PWWP2A: variants seen among roughly 807,000 people sequenced by gnomAD.
The protein encoded by PWWP2A is PWWP domain containing 2A.
PWWP2A carries 18 observed loss-of-function variants against 48.5 expected under a neutral mutation model. The ratio of observed to expected loss-of-function variants is 0.37; its 90% CI spans 0.26 to 0.55. PWWP2A has a LOEUF of 0.55. PWWP2A is among the 20% of genes least tolerant of loss of function. The pLI is 0.81. For missense variants in PWWP2A, 867 were observed against 976.4 expected, an observed-to-expected ratio of 0.89 and a Z score of 1.49; for synonymous variants, 396 against 387.7, an observed-to-expected ratio of 1.02 and a Z score of -0.25.
chr5:160,047,693 C>T, the PWWP2A span, among the ~76,000 whole-genome samples: 1 of 152,114 alleles, frequency 6.6e-6, no homozygotes, highest in South Asian at 2.1e-4. Context: ...CTCCATGGCC[C>T]TACATTTCAG....
At chr5:160,105,612 A>G (rs1312205205) in intron 1 of PWWP2A, 2 of 834,144 alleles carry the variant, frequency 2.4e-6, no homozygotes, top group Non-Finnish European at 2.9e-6. Flanking sequence ...GAAGGGGACT[A>G]TAGGGACAAA....
intron 2 of PWWP2A, among the ~76,000 whole-genome samples, chr5:160,085,751 C>T (rs148080359): frequency 0.014 from 2,073 of 151,572 alleles, 42 homozygotes; most frequent in African/African-American, 0.046. Context: ...ATGATCCGCC[C>T]GCCTTGGCCT....
In PWWP2A at chr5:160,093,233, G is replaced by A. The variant is rs1268543221; in HGVS notation, c.1417C>T (p.Arg473Trp). The A allele has an allele frequency of 9.3e-6, 15 of 1,613,870 alleles. No individual in the cohort carries two copies. The highest frequency in any genetic ancestry group is 2.2e-5 in the East Asian group (1 of 44,900). Residue 473 changes from arginine to tryptophan, a missense_variant, in exon 2 of 2, where the codon CGG becomes TGG. Arg to Trp is a moderately radical substitution (Grantham distance 101). Coordinates refer to ENST00000307063, the MANE Select transcript of PWWP2A (RefSeq NM_001130864.2). This position sits in a 1 kb window ranked among gnomAD's most constrained non-coding sequence, Gnocchi z 5.8. ...QNPSSGSLPP[R>W]VRLKPQRYRN... The stretch of plus-strand genomic sequence containing the variant: ...TACCTCTGTGGTTTTAAACGAACCC[G>A]GGGTGGAAGGGAACCTGAGCTAGGA...
chr5:160,063,359 G>A (rs956986376), intron 5 of PWWP2A, among the ~76,000 whole-genome samples: 1 of 152,120 alleles, frequency 6.6e-6, no homozygotes, highest in African/African-American at 2.4e-5. Flanking sequence ...GTGACAACAG[G>A]TGTGTGCCAC....
the PWWP2A span, among the ~76,000 whole-genome samples, chr5:160,049,238 C>G: frequency 6.6e-6 from 1 of 152,118 alleles, no homozygotes. Context: ...TTGGAACACA[C>G]CTATCCTTTT....
chr5:160,069,320 G>A (rs1753688746), intron 2 of PWWP2A, among the ~76,000 whole-genome samples: 1 of 151,920 alleles, frequency 6.6e-6, no homozygotes, highest in Non-Finnish European at 1.5e-5. Flanking sequence ...ATTTTTCACA[G>A]TCCAAAGAAT....
the PWWP2A span, among the ~76,000 whole-genome samples, chr5:160,046,895 C>A: frequency 1.3e-5 from 2 of 151,972 alleles, no homozygotes; most frequent in South Asian, 4.2e-4. Flanking sequence ...GCCTGTAATC[C>A]CAGCTACTCA....
At position 160,093,776 on chromosome 5, in the gene PWWP2A, G is replaced by A. The variant is rs1755328927; in HGVS notation, c.874C>T (p.Arg292Trp). The change falls in exon 2 of 2, where the codon CGG becomes TGG. Residue 292 changes from arginine (R) to tryptophan (W), a missense_variant. Coordinates refer to ENST00000307063, the MANE Select transcript of PWWP2A (RefSeq NM_001130864.2). This position sits in a 1 kb window ranked among gnomAD's most constrained non-coding sequence, Gnocchi z 5.8. ...TTTCGTTTGGGTCGCTTAATTTTCC[G>A]AGGAGGTGGCTGAGGTATTGATTGG... The part of the protein sequence containing the change: ...YNQSIPQPPP[R>W]KIKRPKRKMY... The A allele has an allele frequency of 4.3e-6, 7 of 1,613,874 alleles. No homozygotes were observed. Among genetic ancestry groups the A allele is most frequent in the African/African-American group, 1.3e-5 (1 of 74,922 alleles).
At chr5:160,118,678 C>T in intron 1 of PWWP2A, 127 bp downstream of exon 1, 1 of 970,062 alleles carries the variant, frequency 1.0e-6, no homozygotes, top group Non-Finnish European at 1.4e-6. Flanking sequence ...CGCCACGCGC[C>T]GCGCAGGACC....
At chr5:160,109,803 AT>A (rs1561698789) in intron 1 of PWWP2A, among the ~76,000 whole-genome samples, 4 of 128,880 alleles carry the variant, frequency 3.1e-5, no homozygotes, top group African/African-American at 8.7e-5. Flanking sequence ...ATATATATAT[AT>A]ATATAAAATA....
the PWWP2A span, chr5:160,049,453 T>C: frequency 3.6e-5 from 50 of 1,406,122 alleles, no homozygotes; most frequent in East Asian, 1.5e-4. Flanking sequence ...GAATCTGATA[T>C]AGCCAAAGAT....
chr5:160,093,170 G>A lies in PWWP2A; in HGVS notation c.1480C>T (p.Leu494Phe), dbSNP rs1183701744. 6 of 1,613,824 alleles carry A rather than the reference G, an allele frequency of 3.7e-6. No individual in the cohort carries two copies. Among genetic ancestry groups the A allele is most frequent in the Non-Finnish European group, 4.2e-6 (5 of 1,179,878 alleles). Residue 494 changes from leucine to phenylalanine, a missense_variant, in exon 2 of 2, where the codon CTT becomes TTT. Transcript: ENST00000307063. The surrounding 1 kb of genome is among the most constrained non-coding windows in gnomAD (Gnocchi z 5.8). The part of the protein sequence containing the change: ...EENDSSLKTG[L>F]EKMRSGKMAP... Reference sequence around the variant, plus strand: ...ATCTTGCCACTCCGCATTTTCTCAAGTCCTGTCTTCAGAGAAGAGTCATTT... The same window carrying A: ...ATCTTGCCACTCCGCATTTTCTCAAATCCTGTCTTCAGAGAAGAGTCATTT...
chr5:160,112,710 T>C (rs563324471), intron 1 of PWWP2A, among the ~76,000 whole-genome samples: 2 of 151,790 alleles, frequency 1.3e-5, no homozygotes, highest in Non-Finnish European at 2.9e-5. Context: ...TCATTTTACA[T>C]ATAAACTGAG....
At chr5:160,080,779 G>GA in intron 2 of PWWP2A, 2 of 1,511,454 alleles carry the variant, frequency 1.3e-6, no homozygotes, top group South Asian at 1.3e-5. Context: ...ACCTATGGTA[G>GA]AAAAAACCAA....
At position 160,078,139 on chromosome 5, in the gene PWWP2A, T is replaced by C. The variant is rs780540094; in HGVS notation, c.*16A>G. ...TCTGTGTCATTGTGGTACAGGTCCA[T>C]GAAACCAGCAGCCTGCTAATGTCTT... On this transcript the variant is annotated 3_prime_UTR_variant, in exon 4 of 4. Coordinates refer to the PWWP2A transcript ENST00000456329. This position sits in a 1 kb window ranked among gnomAD's most constrained non-coding sequence, Gnocchi z 4.2. 2 of 1,557,090 alleles carry C rather than the reference T, an allele frequency of 1.3e-6. No individual in the cohort carries two copies. The highest frequency in any genetic ancestry group is 1.7e-4 in the Middle Eastern group (1 of 5,994).
chr5:160,054,563 G>C, the PWWP2A span, among the ~76,000 whole-genome samples: 1 of 151,520 alleles, frequency 6.6e-6, no homozygotes. Context: ...GTGTTACGAT[G>C]GTACCAGCCT....
chr5:160,096,440 G>A (rs1755657065), intron 1 of PWWP2A, among the ~76,000 whole-genome samples: 1 of 152,164 alleles, frequency 6.6e-6, no homozygotes, highest in African/African-American at 2.4e-5. Context: ...TTCAAAAGAT[G>A]ACAGGACAAA....
In PWWP2A at chr5:160,119,115, C is replaced by G; in HGVS notation, c.274G>C (p.Glu92Gln). 1 of 1,587,140 alleles carries G rather than the reference C, an allele frequency of 6.3e-7. No individual in the cohort carries two copies. Among genetic ancestry groups the G allele is most frequent in the Non-Finnish European group, 8.5e-7 (1 of 1,175,764 alleles). ...GCCACCCGAACGGACAGTTTCTCCT[C>G]AGCCTCCAGCTCCGGCCCCACCGCC... ...PEAVGPELEA[E>Q]EKLSVRVAES... Residue 92 changes from glutamate (E) to glutamine (Q), a missense_variant, in exon 1 of 2, where the codon GAG becomes CAG. Physicochemically the swap from Glu to Gln is conservative, Grantham distance 29. Around this residue, in one of 4 missense-constraint regions of PWWP2A, gnomAD observed 385 missense variants for 396.9 expected, o/e 0.97. Transcript: ENST00000307063.
intron 1 of PWWP2A, among the ~76,000 whole-genome samples, chr5:160,095,996 T>G (rs1226394071): frequency 6.6e-6 from 1 of 152,154 alleles, no homozygotes; most frequent in Non-Finnish European, 1.5e-5. Context: ...CCAGAAATGT[T>G]CTTATGCTCC....
Sources: gnomAD v4.1 joint callset for allele counts (sites outside exome capture counted in the v4.1 genomes callset) on GRCh38, gnomAD v4.1.1 for gene constraint, gnomAD v4.1.1 regional missense constraint, Gnocchi (gnomAD v3.1) non-coding constraint, MANE v1.5 for transcripts, NCBI Gene and HGNC (gene_info 2026-07-23, HGNC 2026-07-21) for gene names.